PRKG1: variants seen among roughly 807,000 people sequenced by gnomAD.
PRKG1 encodes protein kinase cGMP-dependent 1, also known as cGMP-dependent protein kinase 1.
PRKG1 carries 35 observed loss-of-function variants against 88.1 expected under a neutral mutation model. The ratio of observed to expected loss-of-function variants is 0.40; its 90% CI spans 0.30 to 0.53. The LOEUF (loss-of-function observed/expected upper bound fraction) is 0.53. PRKG1 is among the 20% of genes least tolerant of loss of function. The pLI is 0.59. For missense variants in PRKG1, 540 were observed against 839.8 expected, an observed-to-expected ratio of 0.64 and a Z score of 4.41; for synonymous variants, 303 against 292.5, an observed-to-expected ratio of 1.04 and a Z score of -0.37.
chr10:51,893,896 T>C (rs1841780579), intron 4 of PRKG1, among the ~76,000 whole-genome samples: 1 of 152,154 alleles, frequency 6.6e-6, no homozygotes, highest in African/African-American at 2.4e-5. Flanking sequence ...TACTATTTAC[T>C]ACAAAAGCAG....
chr10:51,736,547 C>G (rs1289037927), intron 3 of PRKG1, among the ~76,000 whole-genome samples: 2 of 151,836 alleles, frequency 1.3e-5, no homozygotes, highest in East Asian at 3.9e-4. Context: ...TGACATTTTA[C>G]TATACTTTCT....
chr10:51,586,525 C>T (rs1838177633), intron 3 of PRKG1, among the ~76,000 whole-genome samples: 1 of 152,076 alleles, frequency 6.6e-6, no homozygotes, highest in Non-Finnish European at 1.5e-5. Context: ...GATAGAATTT[C>T]CTTTTTGTTC....
intron 1 of PRKG1, among the ~76,000 whole-genome samples, chr10:51,083,796 C>T (rs1237883011): frequency 6.6e-6 from 1 of 152,100 alleles, no homozygotes; most frequent in Non-Finnish European, 1.5e-5. Context: ...TCACTGCTGC[C>T]CCTATTGCCA....
At chr10:52,144,135 AGC>A (rs745634355) in intron 8 of PRKG1, among the ~76,000 whole-genome samples, 3 of 152,184 alleles carry the variant, frequency 2.0e-5, no homozygotes, top group Non-Finnish European at 2.9e-5. Context: ...GGGTAAAGAC[AGC>A]TACTGCTGAG....
At position 52,289,825 on chromosome 10, in the gene PRKG1, G is replaced by C. The variant is rs766101370; in HGVS notation, c.1896-399G>C. On this transcript the variant is annotated intron_variant, in intron 16 of 17. Coordinates refer to ENST00000373980, the MANE Select transcript of PRKG1 (RefSeq NM_006258.4). ...AGCTGACACTGTGCACTGAATCAGTGGCAAAAATGGAAAGTTAATTTTCTA... is the reference window on the plus strand; with the variant it reads ...AGCTGACACTGTGCACTGAATCAGTCGCAAAAATGGAAAGTTAATTTTCTA... Among the ~76,000 whole-genome samples the C allele has an allele frequency of 2.3e-4, 35 of 152,188 alleles. No homozygotes were observed. In the Middle Eastern group the frequency reaches 0.017, roughly 74 times the overall value.
intron 10 of PRKG1, among the ~76,000 whole-genome samples, chr10:52,266,047 T>A (rs927961594): frequency 6.6e-6 from 1 of 151,996 alleles, no homozygotes; most frequent in Admixed American, 6.6e-5. Flanking sequence ...ATAATCTTTG[T>A]TTTTTGAGAA....
chr10:52,293,836 G>A lies in PRKG1; in HGVS notation c.1997G>A (p.Ser666Asn). 3 of 1,613,282 alleles carry A rather than the reference G, an allele frequency of 1.9e-6. No individual in the cohort carries two copies. The highest frequency in any genetic ancestry group is 1.7e-4 in the Middle Eastern group (1 of 6,058). ...CCCACAGACACAAGTAATTTTGACA[G>A]TTTCCCTGAGGACAACGATGAACCA... ...ASPTDTSNFD[S>N]FPEDNDEPPP... is the part of the protein sequence containing the mutation. Residue 666 changes from serine (S) to asparagine (N), a missense_variant, in exon 18 of 18, where the codon AGT becomes AAT. Ser to Asn is a conservative substitution (Grantham distance 46). Around this residue, in one of 5 missense-constraint regions of PRKG1, gnomAD observed 97 missense variants for 210.6 expected, o/e 0.46. Coordinates refer to ENST00000373980, the MANE Select transcript of PRKG1 (RefSeq NM_006258.4).
chr10:51,782,451 A>T (rs563587852), intron 3 of PRKG1, among the ~76,000 whole-genome samples: 2 of 152,144 alleles, frequency 1.3e-5, no homozygotes, highest in South Asian at 4.1e-4. Flanking sequence ...CGAGGCAGGT[A>T]CTTCTACTAG....
At chr10:51,374,093 A>AAAAAATATATATATATATATATAT in intron 2 of PRKG1, among the ~76,000 whole-genome samples, 147 of 100,080 alleles carry the variant, frequency 1.5e-3, no homozygotes, top group African/African-American at 4.7e-3. Flanking sequence ...AAAAAAAAAA[A>AAAAAATATATATATATATATATAT]ATATATATAT....
chr10:51,967,348 G>A (rs1564732128), intron 5 of PRKG1, among the ~76,000 whole-genome samples: 1 of 152,064 alleles, frequency 6.6e-6, no homozygotes, highest in South Asian at 2.1e-4. Context: ...ACTCATAGGT[G>A]GGAATTGAAC....
chr10:51,566,466 T>C (rs7897063), intron 3 of PRKG1, among the ~76,000 whole-genome samples: 40,880 of 151,992 alleles, frequency 0.27, 7,436 homozygotes, highest in East Asian at 0.87. Context: ...TGAGAACCAG[T>C]GGGCAAAATT....
intron 3 of PRKG1, chr10:51,697,959 C>T (rs775871966): frequency 5.6e-6 from 9 of 1,600,006 alleles, no homozygotes; most frequent in Non-Finnish European, 7.7e-6. Flanking sequence ...TGTATGCCTG[C>T]CCCCTGCATC....
chr10:52,158,935 A>T (rs926886205), intron 8 of PRKG1, among the ~76,000 whole-genome samples: 3 of 151,538 alleles, frequency 2.0e-5, no homozygotes, highest in African/African-American at 7.2e-5. Flanking sequence ...TGATGTATTC[A>T]GCTACTAAAA....
At chr10:51,593,795 G>A (rs373701614) in intron 3 of PRKG1, among the ~76,000 whole-genome samples, 2 of 152,022 alleles carry the variant, frequency 1.3e-5, no homozygotes, top group African/African-American at 4.8e-5. Context: ...TGTGATCTTG[G>A]CTCACTGCAA....
chr10:52,199,955 G>A (rs1292383906), intron 9 of PRKG1, among the ~76,000 whole-genome samples: 1 of 152,124 alleles, frequency 6.6e-6, no homozygotes, highest in African/African-American at 2.4e-5. Flanking sequence ...CTTGGTTTGT[G>A]CCAGGCACTG....
intron 5 of PRKG1, among the ~76,000 whole-genome samples, chr10:52,026,685 G>C (rs534589760): frequency 6.6e-6 from 1 of 152,236 alleles, no homozygotes; most frequent in East Asian, 1.9e-4. Flanking sequence ...CATTTAAAAG[G>C]GTGAATTTCG....
At chr10:51,127,135 T>C (rs1204232240) in intron 1 of PRKG1, among the ~76,000 whole-genome samples, 3 of 152,020 alleles carry the variant, frequency 2.0e-5, no homozygotes, top group African/African-American at 7.2e-5. Flanking sequence ...ACTAAAGCGC[T>C]TCTACACGGC....
At chr10:50,997,454 T>G (rs1444828873) in intron 1 of PRKG1, among the ~76,000 whole-genome samples, 2 of 152,134 alleles carry the variant, frequency 1.3e-5, no homozygotes, top group Non-Finnish European at 2.9e-5. Context: ...AAAGATGTCG[T>G]ATCTTTTTCC....
chr10:51,245,520 T>A (rs1839267031), intron 2 of PRKG1: 1 of 152,132 alleles, frequency 6.6e-6, no homozygotes, highest in Non-Finnish European at 1.5e-5. Flanking sequence ...GTAAATTCAG[T>A]GTGTCAATTC....
Sources: allele counts gnomAD v4.1 joint callset (sites outside exome capture counted in the v4.1 genomes callset), GRCh38; gene constraint gnomAD v4.1.1; regional missense constraint gnomAD v4.1.1; transcripts MANE v1.5; gene names NCBI Gene and HGNC (gene_info 2026-07-23, HGNC 2026-07-21).